The following REXO2 variants were observed in gnomAD, a reference collection of about 807,000 sequenced individuals.
REXO2 encodes the protein oligoribonuclease, mitochondrial.
A neutral mutation model predicts 30.9 loss-of-function variants in REXO2; 17 were observed. The observed-to-expected ratio is 0.55, with a 90% CI of 0.38 to 0.82. The LOEUF (loss-of-function observed/expected upper bound fraction) is 0.82, where lower values mean the gene tolerates loss of function less well. Ranked by LOEUF, REXO2 falls within the 40% of genes least tolerant of loss-of-function variation. REXO2 has a pLI of 0.00. For missense variants in REXO2, 253 were observed against 293.2 expected (o/e 0.86, Z 1.00); for synonymous variants, 105 against 99.6 (o/e 1.05, Z -0.32).
chr11:114,440,025 C>G (rs1218942189), intron 1 of REXO2: 2 of 483,612 alleles, frequency 4.1e-6, no homozygotes, highest in Non-Finnish European at 7.8e-6. Flanking sequence ...CTTCCCCCAA[C>G]TAAATCCTTA....
chr11:114,448,949 T>C (rs1946527918), intron 6 of REXO2: 1 of 152,252 alleles, frequency 6.6e-6, no homozygotes, highest in Non-Finnish European at 1.5e-5. Context: ...TATATCCAAG[T>C]CCTGGAAAGA....
intron 5 of REXO2, among the ~76,000 whole-genome samples, chr11:114,446,526 T>TA (rs1490026930): frequency 2.0e-5 from 3 of 152,232 alleles, no homozygotes; most frequent in African/African-American, 7.2e-5. Flanking sequence ...AGCATCTAAC[T>TA]GTGCTGGAGC....
rs778201801 is a variant in REXO2 at position 114,450,027 on chromosome 11, G to T, written c.*52G>T. The stretch of plus-strand genomic sequence containing the variant: ...CGTTATCTGGAGGCAACTTCTGGTG[G>T]TTTTTTTTTCTCACGCTGATGGCTT... On this transcript the variant is annotated 3_prime_UTR_variant, in exon 7 of 7. Transcript: ENST00000265881. 26 of 1,509,594 alleles carry T rather than the reference G, an allele frequency of 1.7e-5. No homozygotes were observed. Among genetic ancestry groups the T allele is most frequent in the African/African-American group, 2.9e-5 (2 of 69,648 alleles). The allele number at this position is 1,509,594 out of a possible 1,614,324, so 93.5% of individuals were successfully genotyped here.
chr11:114,443,626 ATC>A (rs1412352227), intron 2 of REXO2, among the ~76,000 whole-genome samples: 1 of 152,034 alleles, frequency 6.6e-6, no homozygotes, highest in Non-Finnish European at 1.5e-5. Flanking sequence ...CTTGATAGAT[ATC>A]TGTGTCATCT....
At chr11:114,439,819 C>T in intron 1 of REXO2, 144 bp downstream of exon 1, 1 of 1,000,954 alleles carries the variant, frequency 1.0e-6, no homozygotes, top group Non-Finnish European at 1.4e-6. Context: ...CGGTGCAGGG[C>T]AAGTCCGGAG....
rs139711705 is a variant in REXO2, at chr11:114,439,632, C to A, written c.104C>A (p.Ala35Glu). ...CGCGAAGGTGGCGCAGCCATGGCGGCAGGGGAGAGCATGGCTCAGCGGATG... is the reference window on the plus strand; with the variant it reads ...CGCGAAGGTGGCGCAGCCATGGCGGAAGGGGAGAGCATGGCTCAGCGGATG... ...GVREGGAAMAAGESMAQRMVW... is the reference protein window; with the variant it reads ...GVREGGAAMAEGESMAQRMVW... Residue 35 changes from alanine (A) to glutamate (E), a missense_variant, in exon 1 of 7, where the codon GCA becomes GAA. Ala to Glu is a moderately radical substitution (Grantham distance 107). Coordinates refer to ENST00000265881, the MANE Select transcript of REXO2 (RefSeq NM_015523.4). The A allele has an allele frequency of 2.3e-5, 36 of 1,597,682 alleles. No individual in the cohort carries two copies. In the African/African-American group the frequency reaches 4.0e-4, roughly 18 times the overall value.
chr11:114,439,886 G>A (rs1292270869), intron 1 of REXO2: 3 of 602,510 alleles, frequency 5.0e-6, no homozygotes, highest in African/African-American at 3.8e-5. Context: ...CTTTCCACAA[G>A]GGAGGAGTCC....
chr11:114,441,424 A>T (rs766929825), intron 2 of REXO2, among the ~76,000 whole-genome samples: 3 of 152,204 alleles, frequency 2.0e-5, no homozygotes, highest in Non-Finnish European at 2.9e-5. Flanking sequence ...ATTGGGCATG[A>T]TTAAGGTTTT....
At position 114,446,267 on chromosome 11, in the gene REXO2, C is replaced by G. The variant is rs654531; in HGVS notation, c.530+180C>G. On this transcript the variant is annotated intron_variant, in intron 5 of 6. Transcript: ENST00000265881. ...ACCCTGGACTGGTGAGAATTGGGAGCAACAACGTCAGACATGTTCCCAGTA... is the reference window on the plus strand; with the variant it reads ...ACCCTGGACTGGTGAGAATTGGGAGGAACAACGTCAGACATGTTCCCAGTA... 1,390 of 403,334 alleles carry G rather than the reference C, an allele frequency of 3.4e-3. 16 individuals carry two copies. The highest frequency in any genetic ancestry group is 0.026 in the African/African-American group (1,273 of 48,666). The allele number at this position is 403,334 out of a possible 1,614,324, so 25.0% of individuals were successfully genotyped here.
At chr11:114,443,369 C>T (rs1368297544) in intron 2 of REXO2, among the ~76,000 whole-genome samples, 3 of 151,746 alleles carry the variant, frequency 2.0e-5, no homozygotes, top group Non-Finnish European at 2.9e-5. Flanking sequence ...CCTCCCACCT[C>T]GGCCTCCCAG....
intron 5 of REXO2, among the ~76,000 whole-genome samples, chr11:114,447,545 A>G (rs1946517331): frequency 6.6e-6 from 1 of 152,040 alleles, no homozygotes; most frequent in Non-Finnish European, 1.5e-5. Flanking sequence ...AGATTTTTAG[A>G]TGGAGATATC....
intron 3 of REXO2, 176 bp downstream of exon 3, chr11:114,444,109 A>G (rs559930724): frequency 1.5e-6 from 1 of 675,584 alleles, no homozygotes; most frequent in Admixed American, 2.0e-5. Context: ...ACCTCTCGAG[A>G]TCATCTTCTC....
Position 114,439,690 on chromosome 11 carries a change from C to G in REXO2, c.147+15C>G. ...TGGACCTGGAGGTGAGTGAGGTCGG[C>G]GGGGGGCTTGGGGAGGCGAGTGAGG... On this transcript the variant is annotated intron_variant, in intron 1 of 6. Coordinates refer to ENST00000265881, the MANE Select transcript of REXO2 (RefSeq NM_015523.4). 6.8e-7 allele frequency: 1 copy of G among 1,476,986 alleles called. No individual in the cohort carries two copies. Among genetic ancestry groups the G allele is most frequent in the Non-Finnish European group, 9.0e-7 (1 of 1,116,974 alleles). The allele number at this position is 1,476,986 out of a possible 1,614,324, so 91.5% of individuals were successfully genotyped here.
At chr11:114,443,796 C>G (rs1339399234) in intron 2 of REXO2, 60 bp from the exon 3 acceptor site, 3 of 1,260,472 alleles carry the variant, frequency 2.4e-6, no homozygotes, top group Non-Finnish European at 2.3e-6. Context: ...TAAGCTTTCC[C>G]TCTGAAAGTA....
Position 114,439,569 on chromosome 11 carries a change from T to C in REXO2, c.41T>C (p.Val14Ala). ...CTGGGCTCCAGGCTGTTGCGGGGTG[T>C]AGGTGGGAGTCACGGACGGTTCGGG... ...GSLGSRLLRG[V>A]GGSHGRFGAR... Residue 14 changes from valine to alanine, a missense_variant, in exon 1 of 7, where the codon GTA (valine) becomes GCA (alanine). Physicochemically the swap from Val to Ala is moderately conservative, Grantham distance 64. Coordinates refer to ENST00000265881, the MANE Select transcript of REXO2 (RefSeq NM_015523.4). 1.2e-6 allele frequency: 2 copies of C among 1,608,742 alleles called. No homozygotes were observed. Among genetic ancestry groups the C allele is most frequent in the Non-Finnish European group, 1.7e-6 (2 of 1,179,258 alleles).
chr11:114,449,998 A>G lies in REXO2; in HGVS notation c.*23A>G. The G allele has an allele frequency of 6.4e-7, 1 of 1,572,470 alleles. No individual in the cohort carries two copies. Among genetic ancestry groups the G allele is most frequent in the Non-Finnish European group, 8.6e-7 (1 of 1,162,100 alleles). ...TGATGCCAGTTATCATGCTGCCACT[A>G]CATCGTTATCTGGAGGCAACTTCTG... On this transcript the variant is annotated 3_prime_UTR_variant, in exon 7 of 7. Transcript: ENST00000265881.
intron 5 of REXO2, among the ~76,000 whole-genome samples, chr11:114,446,859 G>A (rs1946512254): frequency 6.6e-6 from 1 of 151,850 alleles, no homozygotes; most frequent in Admixed American, 6.6e-5. Flanking sequence ...AGAAAGTGTA[G>A]GTAGAAGAGT....
intron 5 of REXO2, among the ~76,000 whole-genome samples, chr11:114,447,482 G>A (rs1176532932): frequency 6.6e-6 from 1 of 152,154 alleles, no homozygotes; most frequent in Non-Finnish European, 1.5e-5. Context: ...GGCAGGGGAG[G>A]TGTTGACAAT....
chr11:114,446,290 G>C (rs904404558), intron 5 of REXO2: 5 of 380,972 alleles, frequency 1.3e-5, no homozygotes, highest in Non-Finnish European at 2.3e-5. Flanking sequence ...CATGTTCCCA[G>C]TAAATAAGCC....
Sources: allele counts gnomAD v4.1 joint callset (sites outside exome capture counted in the v4.1 genomes callset), GRCh38; gene constraint gnomAD v4.1.1; transcripts MANE v1.5; gene names NCBI Gene and HGNC (gene_info 2026-07-23, HGNC 2026-07-21).